The following CEP112 variants were observed in gnomAD, a reference collection of about 807,000 sequenced individuals.
CEP112 encodes the protein centrosomal protein of 112 kDa.
In CEP112, 127 loss-of-function variants were observed where a neutral mutation model predicts 153.0. The observed-to-expected ratio is 0.83, with a 90% CI of 0.72 to 0.96. CEP112 has a LOEUF of 0.96. Among genes scored for constraint, CEP112 ranks in the 40% least tolerant of loss-of-function variants. The pLI, the probability that CEP112 is intolerant of heterozygous loss-of-function variation, is 0.00. For synonymous variants in CEP112, 358 were observed against 374.4 expected, an observed-to-expected ratio of 0.96 and a Z score of 0.51; for missense variants, 1,089 against 1,101.2, an observed-to-expected ratio of 0.99 and a Z score of 0.16.
At chr17:65,914,330 G>A (rs561413838) in intron 19 of CEP112, among the ~76,000 whole-genome samples, 7 of 151,108 alleles carry the variant, frequency 4.6e-5, no homozygotes, top group Middle Eastern at 3.4e-3. Context: ...GCTACAGTTC[G>A]TAATTTAGAA....
chr17:65,885,114 G>A (rs558003951), intron 20 of CEP112, among the ~76,000 whole-genome samples: 61 of 152,184 alleles, frequency 4.0e-4, no homozygotes, highest in African/African-American at 1.2e-3. Flanking sequence ...AACCTCCCAA[G>A]TAAATGGAAG....
chr17:66,030,618 CT>C (rs1178467859), intron 12 of CEP112, among the ~76,000 whole-genome samples: 1 of 123,352 alleles, frequency 8.1e-6, no homozygotes, highest in African/African-American at 2.6e-5. Flanking sequence ...CTTCTCTACT[CT>C]TCCACAGTAT....
chr17:66,162,699 C>A (rs1012028183), intron 4 of CEP112, among the ~76,000 whole-genome samples: 19 of 152,018 alleles, frequency 1.2e-4, no homozygotes, highest in African/African-American at 3.9e-4. Flanking sequence ...ACAATGAAAA[C>A]GAATCTATGG....
chr17:65,943,782 C>T lies in CEP112; in HGVS notation c.1873-16093G>A, dbSNP rs141955796. 6.4e-3 allele frequency among the ~76,000 whole-genome samples: 982 copies of T among 152,254 alleles called. 5 individuals are homozygous for T. Among genetic ancestry groups the T allele is most frequent in the Non-Finnish European group, 0.01 (700 of 68,016 alleles). ...ATCTTGTTGTGTTGGGTAAGTTCTC[C>T]CGGATGATATCCTGAAGTATGTTTT... On this transcript the variant is annotated intron_variant, in intron 18 of 26. Transcript: ENST00000535342.
intron 21 of CEP112, among the ~76,000 whole-genome samples, chr17:65,766,402 A>T (rs1407584439): frequency 6.7e-6 from 1 of 149,716 alleles, no homozygotes; most frequent in Non-Finnish European, 1.5e-5. Flanking sequence ...ACAAAAAAAT[A>T]AAGAAAAAAG....
chr17:65,725,463 G>A (rs1169561529), intron 23 of CEP112, among the ~76,000 whole-genome samples: 1 of 152,006 alleles, frequency 6.6e-6, no homozygotes, highest in Non-Finnish European at 1.5e-5. Flanking sequence ...GATTACAGGT[G>A]CGCACCACCG....
At chr17:65,792,579 C>A (rs1259751262) in intron 21 of CEP112, among the ~76,000 whole-genome samples, 1 of 23,426 alleles carries the variant, frequency 4.3e-5, no homozygotes, top group Non-Finnish European at 9.6e-5. Context: ...AAGCTAAAAA[C>A]TCTTTAAAAA....
intron 21 of CEP112, among the ~76,000 whole-genome samples, chr17:65,796,641 C>T (rs1360091648): frequency 6.6e-6 from 1 of 152,028 alleles, no homozygotes; most frequent in Non-Finnish European, 1.5e-5. Context: ...AACAAAAATG[C>T]CTCAAACACC....
intron 21 of CEP112, among the ~76,000 whole-genome samples, chr17:65,840,633 T>C (rs1434515617): frequency 6.6e-6 from 1 of 151,770 alleles, no homozygotes; most frequent in Non-Finnish European, 1.5e-5. Flanking sequence ...AGCAGAAAAA[T>C]GGGATTATAT....
At chr17:65,961,626 T>C (rs764075168) in intron 17 of CEP112, 28 bp from the exon 18 acceptor site, 1 of 1,576,094 alleles carries the variant, frequency 6.3e-7, no homozygotes, top group African/African-American at 1.4e-5. Context: ...AGCTTCAGAG[T>C]TAAAATATAA....
chr17:66,099,396 C>G (rs997832763), intron 6 of CEP112, among the ~76,000 whole-genome samples: 9 of 150,054 alleles, frequency 6.0e-5, no homozygotes, highest in Middle Eastern at 3.2e-3. Flanking sequence ...CCCAGCTATT[C>G]AGGAGGCTGA....
chr17:66,090,106 AG>A (rs2068079126), intron 8 of CEP112, among the ~76,000 whole-genome samples: 1 of 152,124 alleles, frequency 6.6e-6, no homozygotes, highest in Admixed American at 6.6e-5. Context: ...AATAAAGAAA[AG>A]TTAAAAATGT....
Position 65,725,370 on chromosome 17 carries a change from TGCAGTG to T in CEP112, c.2607+17692_2607+17697del, listed in dbSNP as rs1305591539. 2.6e-5 allele frequency among the ~76,000 whole-genome samples: 4 copies of T among 152,110 alleles called. No individual in the cohort carries two copies. The East Asian group carries it at 5.8e-4, about 22-fold the overall frequency. ...TCTCACTCTGTCACCCAGGCTGGAG[TGCAGTG>T]GCACAATCTCAACTCACTACAACCT... is the stretch of plus-strand genomic sequence containing the variant. On this transcript the variant is annotated intron_variant, in intron 23 of 26. Transcript: ENST00000535342.
intron 16 of CEP112, among the ~76,000 whole-genome samples, chr17:66,021,429 C>A (rs1231339960): frequency 6.6e-6 from 1 of 152,162 alleles, no homozygotes; most frequent in African/African-American, 2.4e-5. Context: ...GCTGAAGAGG[C>A]ATGGTTTTGC....
At chr17:66,113,508 A>C (rs955134464) in intron 6 of CEP112, among the ~76,000 whole-genome samples, 9 of 152,208 alleles carry the variant, frequency 5.9e-5, no homozygotes, top group African/African-American at 2.2e-4. Flanking sequence ...ATTTTTATTC[A>C]GCTCTACATT....
intron 12 of CEP112, among the ~76,000 whole-genome samples, chr17:66,053,511 T>TAAC (rs2066535852): frequency 1.3e-5 from 2 of 151,352 alleles, no homozygotes; most frequent in Non-Finnish European, 2.9e-5. Flanking sequence ...AAAATAATAA[T>TAAC]AATAATAAAT....
At chr17:66,136,880 C>T (rs988717081) in intron 4 of CEP112, among the ~76,000 whole-genome samples, 15 of 152,060 alleles carry the variant, frequency 9.9e-5, no homozygotes, top group South Asian at 2.1e-4. Flanking sequence ...CTACTCAGGC[C>T]GATTCTTGAA....
intron 24 of CEP112, among the ~76,000 whole-genome samples, chr17:65,686,296 A>G (rs1461762141): frequency 6.6e-6 from 1 of 152,158 alleles, no homozygotes; most frequent in Non-Finnish European, 1.5e-5. Context: ...CTAAAAAGCT[A>G]TTGTCACTAC....
intron 17 of CEP112, among the ~76,000 whole-genome samples, chr17:65,962,806 T>C (rs1376037186): frequency 6.6e-6 from 1 of 152,170 alleles, no homozygotes; most frequent in Non-Finnish European, 1.5e-5. Context: ...CCGCCATCCA[T>C]GTAAGATGTG....
Sources: allele counts gnomAD v4.1 joint callset (sites outside exome capture counted in the v4.1 genomes callset), GRCh38; gene constraint gnomAD v4.1.1; transcripts MANE v1.5; gene names NCBI Gene and HGNC (gene_info 2026-07-23, HGNC 2026-07-21).